CSMD3: variants seen among roughly 807,000 people sequenced by gnomAD.
CSMD3 encodes the protein CUB and Sushi multiple domains 3.
A neutral mutation model predicts 435.2 loss-of-function variants in CSMD3; 177 were observed. The ratio of observed to expected loss-of-function variants is 0.41; its 90% CI spans 0.36 to 0.46. CSMD3 has a LOEUF of 0.46. Ranked by LOEUF, CSMD3 falls within the 20% of genes least tolerant of loss-of-function variation. The pLI is 0.34. For missense variants in CSMD3, 4,265 were observed against 4,504.6 expected, an observed-to-expected ratio of 0.95 and a Z score of 1.52; for synonymous variants, 1,656 against 1,520.5, an observed-to-expected ratio of 1.09 and a Z score of -2.07.
intron 42 of CSMD3, among the ~76,000 whole-genome samples, chr8:112,339,210 C>T (rs72674712): frequency 0.19 from 28,442 of 151,842 alleles, 3,127 homozygotes; most frequent in Middle Eastern, 0.34. Context: ...AGAAGTATAA[C>T]TTTGTAACTT....
chr8:113,423,202 A>C (rs2094617706), intron 1 of CSMD3, among the ~76,000 whole-genome samples: 1 of 152,098 alleles, frequency 6.6e-6, no homozygotes, highest in Admixed American at 6.6e-5. Flanking sequence ...AGACCTCAAA[A>C]AGTGTCACAT....
intron 38 of CSMD3, among the ~76,000 whole-genome samples, chr8:112,372,890 A>C (rs966226099): frequency 3.3e-5 from 5 of 150,730 alleles, no homozygotes; most frequent in Non-Finnish European, 7.4e-5. Context: ...ATAAAAATAA[A>C]TCAGCCTATC....
chr8:113,207,635 G>A (rs189899736), intron 3 of CSMD3, among the ~76,000 whole-genome samples: 38 of 151,924 alleles, frequency 2.5e-4, no homozygotes, highest in Middle Eastern at 3.4e-3. Flanking sequence ...TGCCTGCCTC[G>A]GTCTCCCAAA....
chr8:113,172,506 T>C (rs2092284972), intron 4 of CSMD3, among the ~76,000 whole-genome samples: 1 of 152,184 alleles, frequency 6.6e-6, no homozygotes, highest in Admixed American at 6.5e-5. Flanking sequence ...ATAGCAGACA[T>C]TTTTACTAAG....
chr8:112,963,746 T>A (rs2084317688), intron 7 of CSMD3, among the ~76,000 whole-genome samples: 1 of 151,918 alleles, frequency 6.6e-6, no homozygotes. Context: ...ATGGAGTTAA[T>A]AGAAATCTGA....
At chr8:112,768,008 G>A (rs2078021888) in intron 13 of CSMD3, among the ~76,000 whole-genome samples, 1 of 151,534 alleles carries the variant, frequency 6.6e-6, no homozygotes, top group Non-Finnish European at 1.5e-5. Context: ...TTATCTGCTG[G>A]GTAGGATATA....
intron 9 of CSMD3, among the ~76,000 whole-genome samples, chr8:112,947,225 G>C (rs934443618): frequency 6.6e-6 from 1 of 151,586 alleles, no homozygotes; most frequent in African/African-American, 2.4e-5. Flanking sequence ...ATTAATGGCT[G>C]CCACAGTATA....
chr8:112,921,889 G>T (rs746523670), intron 9 of CSMD3, 138 bp from the exon 10 acceptor site: 11 of 689,844 alleles, frequency 1.6e-5, no homozygotes, highest in Non-Finnish European at 2.8e-5. Context: ...AAATGTGAAA[G>T]TATGACTTGT....
At chr8:112,507,954 G>T (rs1483191843) in intron 28 of CSMD3, among the ~76,000 whole-genome samples, 1 of 151,860 alleles carries the variant, frequency 6.6e-6, no homozygotes, top group African/African-American at 2.4e-5. Context: ...TCGCTTATAT[G>T]TTTTTGTGGT....
chr8:113,395,346 G>C (rs1244892617), intron 1 of CSMD3, among the ~76,000 whole-genome samples: 1 of 152,056 alleles, frequency 6.6e-6, no homozygotes, highest in East Asian at 1.9e-4. Flanking sequence ...GGTGGCTCAC[G>C]CCTGTAATCC....
At chr8:112,540,948 A>T (rs1320546198) in intron 27 of CSMD3, among the ~76,000 whole-genome samples, 3 of 152,070 alleles carry the variant, frequency 2.0e-5, no homozygotes, top group Admixed American at 6.6e-5. Context: ...AGAAATGACA[A>T]ATGTTTGATA....
chr8:113,245,077 G>C (rs1051880693), intron 3 of CSMD3, among the ~76,000 whole-genome samples: 4 of 152,026 alleles, frequency 2.6e-5, no homozygotes, highest in Admixed American at 2.0e-4. Flanking sequence ...AGCTTATTAA[G>C]TCTAATATTA....
At chr8:112,873,259 G>A (rs1005515450) in intron 10 of CSMD3, among the ~76,000 whole-genome samples, 3 of 151,872 alleles carry the variant, frequency 2.0e-5, no homozygotes, top group Non-Finnish European at 4.4e-5. Context: ...AATGGCACAA[G>A]AAATTAACTG....
chr8:112,701,060 T>C (rs2076378298), intron 13 of CSMD3, among the ~76,000 whole-genome samples: 1 of 152,166 alleles, frequency 6.6e-6, no homozygotes, highest in Admixed American at 6.5e-5. Flanking sequence ...TATATAACTT[T>C]TCCCCCTCTT....
At chr8:112,598,710 T>C (rs201348011) in intron 22 of CSMD3, among the ~76,000 whole-genome samples, 1 of 150,002 alleles carries the variant, frequency 6.7e-6, no homozygotes, top group African/African-American at 2.5e-5. Flanking sequence ...TCAGAAATAA[T>C]GCCGCATATC....
At chr8:113,127,947 G>C (rs2091182109) in intron 4 of CSMD3, among the ~76,000 whole-genome samples, 1 of 151,968 alleles carries the variant, frequency 6.6e-6, no homozygotes, top group Non-Finnish European at 1.5e-5. Context: ...CATTGCCTGT[G>C]ACTTTTCCTC....
Position 112,276,881 on chromosome 8 carries a change from ACCTTGGTC to A in CSMD3, c.9508+4285_9508+4292del, listed in dbSNP as rs1818105994. On this transcript the variant is annotated intron_variant, in intron 59 of 70. Coordinates refer to ENST00000297405, the MANE Select transcript of CSMD3 (RefSeq NM_198123.2). ...ACTCCAAAGCCACAGCCTGAGCCAT[ACCTTGGTC>A]CCTTTAGCCATGGGTGGGATGCAGG... Among the ~76,000 whole-genome samples, 6 of 151,884 alleles carry A rather than the reference ACCTTGGTC, an allele frequency of 4.0e-5. No individual in the cohort carries two copies. The South Asian group carries it at 1.2e-3, about 32-fold the overall frequency.
At chr8:112,994,503 T>C (rs1485350049) in intron 6 of CSMD3, among the ~76,000 whole-genome samples, 1 of 151,704 alleles carries the variant, frequency 6.6e-6, no homozygotes. Context: ...AAATTAGATA[T>C]GTAAGTTCCC....
Position 112,289,525 on chromosome 8 carries a change from TC to T in CSMD3, c.8987del (p.Gly2996AspfsTer33), listed in dbSNP as rs1207250294. ...PLPECIMIDC[G>X]HPGVPPNAVL... ...CTGCATTAGGAGGAACGCCAGGGTG[TC>T]CACAGTCAATCACTACAATACATAA... On this transcript the variant is annotated frameshift_variant, in exon 57 of 71. Transcript: ENST00000297405. LOFTEE classifies it high-confidence loss of function. The T allele has an allele frequency of 6.2e-7, 1 of 1,611,106 alleles. No individual in the cohort carries two copies. The highest frequency in any genetic ancestry group is 8.5e-7 in the Non-Finnish European group (1 of 1,178,000).
Sources: allele counts gnomAD v4.1 joint callset (sites outside exome capture counted in the v4.1 genomes callset), GRCh38; gene constraint gnomAD v4.1.1; transcripts MANE v1.5; gene names NCBI Gene and HGNC (gene_info 2026-07-23, HGNC 2026-07-21).